The following KAT8 variants were observed in gnomAD, a reference collection of about 807,000 sequenced individuals.
KAT8 encodes the protein lysine acetyltransferase 8.
A neutral mutation model predicts 62.9 loss-of-function variants in KAT8; 40 were observed. The ratio of observed to expected loss-of-function variants is 0.64; its 90% CI spans 0.49 to 0.83. The LOEUF is 0.83. KAT8 is among the 40% of genes least tolerant of loss of function. The pLI is 0.00. For synonymous variants in KAT8, 278 were observed against 254.5 expected (o/e 1.09, Z -0.88); for missense variants, 387 against 614.8 (o/e 0.63, Z 3.92).
chr16:31,118,880 C>CTTTTT (rs34659650), intron 1 of KAT8: 2 of 121,998 alleles, frequency 1.6e-5, no homozygotes, highest in African/African-American at 6.1e-5. Context: ...TCCCTTTTGT[C>CTTTTT]TTTTTTTTTT....
chr16:31,130,934 G>T (rs531287260), intron 10 of KAT8, 34 bp downstream of exon 10: 1 of 1,596,894 alleles, frequency 6.3e-7, no homozygotes, highest in Non-Finnish European at 8.5e-7. Context: ...CGGGGGCGGT[G>T]GGGGAGTGTC....
chr16:31,118,062 C>A (rs944639794), intron 1 of KAT8, 170 bp downstream of exon 1: 1 of 494,808 alleles, frequency 2.0e-6, no homozygotes. Context: ...AGAAACCAGC[C>A]GGGTTGTGGG....
At chr16:31,130,714 G>C in intron 9 of KAT8, 32 bp from the exon 10 acceptor site, 2 of 1,613,202 alleles carry the variant, frequency 1.2e-6, no homozygotes, top group East Asian at 2.2e-5. Flanking sequence ...AAGGGCACCA[G>C]GTCTGGCATT....
In KAT8 at chr16:31,130,320, CT is replaced by C; in HGVS notation, c.967del (p.Tyr323ThrfsTer48). The C allele has an allele frequency of 1.9e-6, 3 of 1,614,210 alleles. No individual in the cohort carries two copies. The highest frequency in any genetic ancestry group is 2.5e-6 in the Non-Finnish European group (3 of 1,180,020). ...NVACILTLPP[Y>X]QRRGYGKFLI... is the part of the protein sequence containing the mutation. ...TGGCCTGCATCCTGACCTTGCCCCC[CT>C]ACCAACGCCGCGGCTACGGGAAGTT... On this transcript the variant is annotated frameshift_variant, in exon 8 of 11. Transcript: ENST00000219797. LOFTEE classifies it high-confidence loss of function.
At chr16:31,123,892 T>G (rs2057516168) in intron 3 of KAT8, 1 of 108,968 alleles carries the variant, frequency 9.2e-6, no homozygotes, top group Non-Finnish European at 2.1e-5. Flanking sequence ...CCTCAACTGT[T>G]TTGCACTCAA....
chr16:31,123,209 T>A (rs116675123), intron 3 of KAT8, among the ~76,000 whole-genome samples: 5,957 of 152,226 alleles, frequency 0.039, 338 homozygotes, highest in African/African-American at 0.13. Context: ...TATCATTTTT[T>A]AAAAAAATTT....
chr16:31,117,893 G>T lies in KAT8; in HGVS notation c.211+1G>T. ...TGCCGGCGACCGGATAGCACCTGGCGTGAGGGCGGGGCCCAGGGCTGGGGG... is the reference window on the plus strand; with the variant it reads ...TGCCGGCGACCGGATAGCACCTGGCTTGAGGGCGGGGCCCAGGGCTGGGGG... On this transcript the variant is annotated splice_donor_variant, in intron 1 of 10. Coordinates refer to ENST00000219797, the MANE Select transcript of KAT8 (RefSeq NM_032188.3). LOFTEE classifies it high-confidence loss of function. 7.4e-7 allele frequency: 1 copy of T among 1,356,982 alleles called. No individual in the cohort carries two copies. The highest frequency in any genetic ancestry group is 9.6e-7 in the Non-Finnish European group (1 of 1,043,930). 84.1% of individuals were successfully genotyped at this position (1,356,982 alleles called of 1,614,324 possible).
chr16:31,124,748 A>AG (rs2057521647), intron 3 of KAT8, among the ~76,000 whole-genome samples: 1 of 143,950 alleles, frequency 6.9e-6, no homozygotes, highest in African/African-American at 2.6e-5. Context: ...AAAAAAAAAA[A>AG]AAAGGCTATG....
chr16:31,131,012 G>C, intron 10 of KAT8, 112 bp downstream of exon 10: 2 of 1,519,054 alleles, frequency 1.3e-6, no homozygotes, highest in Non-Finnish European at 1.8e-6. Flanking sequence ...AGTCAGACCA[G>C]CTCCCAGGAT....
intron 3 of KAT8, among the ~76,000 whole-genome samples, chr16:31,121,761 T>A (rs1464110675): frequency 6.6e-6 from 1 of 151,930 alleles, no homozygotes; most frequent in Non-Finnish European, 1.5e-5. Flanking sequence ...TATTGTTATT[T>A]TTTTTTTTTG....
At chr16:31,131,373 G>A, downstream of KAT8, 1 of 1,231,948 alleles carries the variant, frequency 8.1e-7, no homozygotes. Context: ...CTGGACTTTG[G>A]AGGGGAAGGG....
At position 31,130,578 on chromosome 16, in the gene KAT8, C is replaced by T; in HGVS notation, c.1129C>T (p.Arg377Trp). The T allele has an allele frequency of 6.2e-7, 1 of 1,614,190 alleles. No homozygotes were observed. The highest frequency in any genetic ancestry group is 8.5e-7 in the Non-Finnish European group (1 of 1,180,010). ...GCTGCTAGAGATCCTGCGGGACTTC[C>T]GGGGCACACTGTCCATCAAGGACCT... ...WVLLEILRDF[R>W]GTLSIKDLSQ... Residue 377 changes from arginine to tryptophan, a missense_variant, in exon 9 of 11, where the codon CGG becomes TGG. By Grantham distance (101) the Arg-to-Trp change is moderately radical (BLOSUM62 -3). This residue lies in a region of KAT8 where 75 missense variants were observed against 105.7 expected (regional missense o/e 0.71). Coordinates refer to ENST00000219797, the MANE Select transcript of KAT8 (RefSeq NM_032188.3).
rs760574924 is a variant in KAT8, at chr16:31,128,104, A to G, written c.736A>G (p.Ile246Val). The change falls in exon 6 of 11, where the codon ATC becomes GTC. Residue 246 changes from isoleucine (I) to valine (V), a missense_variant. Ile to Val is a conservative substitution (Grantham distance 29, BLOSUM62 3). Transcript: ENST00000219797. ...GAAAGAGATCTACCGCAAGAGCAAC[A>G]TCTCCGTGTACGAAGTTGATGGCAA... is the stretch of plus-strand genomic sequence containing the variant. ...PGKEIYRKSN[I>V]SVYEVDGKDH... 6.2e-7 allele frequency: 1 copy of G among 1,614,066 alleles called. No individual in the cohort carries two copies. Among genetic ancestry groups the G allele is most frequent in the Non-Finnish European group, 8.5e-7 (1 of 1,179,996 alleles).
intron 3 of KAT8, chr16:31,126,606 A>G (rs983495314): frequency 1.6e-5 from 3 of 187,126 alleles, no homozygotes; most frequent in Non-Finnish European, 3.4e-5. Context: ...GGGCAGTCGC[A>G]TGGGCAGGCA....
chr16:31,120,220 C>G lies in KAT8; in HGVS notation c.246C>G (p.Asp82Glu). Residue 82 changes from aspartate to glutamate, a missense_variant, in exon 2 of 11, where the codon GAC becomes GAG. Transcript: ENST00000219797. ...AAGTGATCCAGTCTCGAGTGAACGACCAGGAGGGCCGAGAGGAATTCTATG... is the reference window on the plus strand; with the variant it reads ...AAGTGATCCAGTCTCGAGTGAACGAGCAGGAGGGCCGAGAGGAATTCTATG... Reference protein sequence around the residue: ...SAEVIQSRVNDQEGREEFYVH... With the variant: ...SAEVIQSRVNEQEGREEFYVH... 1.9e-6 allele frequency: 3 copies of G among 1,614,158 alleles called. 1 individual carries two copies. In the South Asian group the frequency reaches 3.3e-5, roughly 18 times the overall value.
chr16:31,122,929 C>G (rs1426182674), intron 3 of KAT8, among the ~76,000 whole-genome samples: 1 of 151,928 alleles, frequency 6.6e-6, no homozygotes, highest in Non-Finnish European at 1.5e-5. Flanking sequence ...CGCCTGTAAT[C>G]CCAACACTTT....
chr16:31,117,908 A>G lies in KAT8; in HGVS notation c.211+16A>G, dbSNP rs755026447. ...AGCACCTGGCGTGAGGGCGGGGCCC[A>G]GGGCTGGGGGCGGGGCGGAGCTCAG... is the stretch of plus-strand genomic sequence containing the variant. On this transcript the variant is annotated intron_variant, in intron 1 of 10. Transcript: ENST00000219797. The G allele has an allele frequency of 1.5e-5, 12 of 806,486 alleles. No homozygotes were observed. In the East Asian group the frequency reaches 9.3e-4, roughly 62 times the overall value. 50.0% of individuals were successfully genotyped at this position (806,486 alleles called of 1,614,324 possible).
chr16:31,119,523 G>C (rs1160586998), intron 1 of KAT8, among the ~76,000 whole-genome samples: 2 of 152,196 alleles, frequency 1.3e-5, no homozygotes, highest in African/African-American at 4.8e-5. Context: ...GAACAACTGC[G>C]GGTATGTGGT....
chr16:31,124,887 G>A (rs1409783043), intron 3 of KAT8, among the ~76,000 whole-genome samples: 1 of 151,944 alleles, frequency 6.6e-6, no homozygotes, highest in Non-Finnish European at 1.5e-5. Context: ...AAATTAGCCG[G>A]GCTTGCTGGT....
Sources: gnomAD v4.1 joint callset for allele counts (sites outside exome capture counted in the v4.1 genomes callset) on GRCh38, gnomAD v4.1.1 for gene constraint, gnomAD v4.1.1 regional missense constraint, MANE v1.5 for transcripts, NCBI Gene and HGNC (gene_info 2026-07-23, HGNC 2026-07-21) for gene names.